IGFL2: variants seen among roughly 807,000 people sequenced by gnomAD.
IGFL2 encodes insulin growth factor-like family member 2.
Under a neutral mutation model 13.9 loss-of-function variants are expected in IGFL2, and 7 were observed. The ratio of observed to expected loss-of-function variants is 0.51; its 90% CI spans 0.29 to 0.95. The LOEUF is 0.95. IGFL2 is among the 40% of genes least tolerant of loss of function. IGFL2 has a pLI of 0.08. For synonymous variants in IGFL2, 55 were observed against 55.8 expected, an observed-to-expected ratio of 0.99 and a Z score of 0.07; for missense variants, 138 against 147.8, an observed-to-expected ratio of 0.93 and a Z score of 0.34.
the IGFL2 span, among the ~76,000 whole-genome samples, chr19:46,184,227 CCT>C: frequency 1.4e-4 from 21 of 151,812 alleles, no homozygotes; most frequent in Non-Finnish European, 2.6e-4. Context: ...ATTATATGTG[CCT>C]CTCTCTTTCT....
chr19:46,083,156 A>T, the IGFL2 span, among the ~76,000 whole-genome samples: 2 of 152,244 alleles, frequency 1.3e-5, no homozygotes, highest in Admixed American at 6.5e-5. Context: ...AGTGCATCAT[A>T]AACAATTTGC....
the IGFL2 span, among the ~76,000 whole-genome samples, chr19:46,187,199 A>G: frequency 1.3e-5 from 2 of 151,530 alleles, no homozygotes; most frequent in Admixed American, 1.3e-4. Flanking sequence ...GGTGTGTGCT[A>G]CCTGATCAGA....
the IGFL2 span, among the ~76,000 whole-genome samples, chr19:46,187,298 C>T: frequency 6.7e-6 from 1 of 148,500 alleles, no homozygotes; most frequent in African/African-American, 2.5e-5. Flanking sequence ...CCCATTTATA[C>T]CTGAGGTTGT....
the IGFL2 span, among the ~76,000 whole-genome samples, chr19:46,079,797 TAGA>T: frequency 6.6e-6 from 1 of 152,196 alleles, no homozygotes; most frequent in Admixed American, 6.5e-5. Context: ...GATTTCTGCA[TAGA>T]AGCCAAAAAA....
the IGFL2 span, among the ~76,000 whole-genome samples, chr19:46,099,512 G>A: frequency 6.7e-6 from 1 of 150,260 alleles, no homozygotes; most frequent in African/African-American, 2.4e-5. Flanking sequence ...CGGAGGTTTT[G>A]TTTGCTCTTT....
At chr19:46,124,039 G>C in the IGFL2 span, 6,797 of 1,611,396 alleles carry the variant, frequency 4.2e-3, 621 homozygotes, top group African/African-American at 0.081. Flanking sequence ...ACAGCGGCGG[G>C]TCTCCTTTAA....
chr19:46,092,661 T>G, the IGFL2 span, among the ~76,000 whole-genome samples: 3 of 151,888 alleles, frequency 2.0e-5, no homozygotes, highest in Admixed American at 6.6e-5. Context: ...TTTTTTTTTT[T>G]GTAGAGATGG....
the IGFL2 span, chr19:46,123,791 G>T: frequency 2.2e-6 from 3 of 1,378,428 alleles, no homozygotes; most frequent in African/African-American, 3.0e-5. Flanking sequence ...CTCTTTTGCC[G>T]TTAGAACTCC....
chr19:46,099,232 T>A, the IGFL2 span, among the ~76,000 whole-genome samples: 1 of 152,196 alleles, frequency 6.6e-6, no homozygotes, highest in African/African-American at 2.4e-5. Context: ...TGACCTGGCC[T>A]TTCTCTCTGG....
chr19:46,175,512 C>A, the IGFL2 span, among the ~76,000 whole-genome samples: 2 of 151,454 alleles, frequency 1.3e-5, no homozygotes, highest in Non-Finnish European at 2.9e-5. Flanking sequence ...ATACTTTGTG[C>A]CAAAAAATGA....
chr19:46,201,510 C>T, the IGFL2 span, among the ~76,000 whole-genome samples: 1 of 152,344 alleles, frequency 6.6e-6, no homozygotes, highest in African/African-American at 2.4e-5. Context: ...CCACTGTGGG[C>T]TCCCAAGCCT....
Position 46,161,206 on chromosome 19 carries a change from T to C in IGFL2, c.*118T>C. ...ACAAAATGATGCAGCTCCAAGCCAT[T>C]GTATGGCCCATGTGGGAGACTGATG... On this transcript the variant is annotated 3_prime_UTR_variant, in exon 4 of 4. Transcript: ENST00000377693. 4.2e-6 allele frequency: 3 copies of C among 717,776 alleles called. No individual in the cohort carries two copies. Among genetic ancestry groups the C allele is most frequent in the Non-Finnish European group, 2.4e-6 (1 of 418,258 alleles). 44.5% of individuals were successfully genotyped at this position (717,776 alleles called of 1,614,324 possible). A position where few individuals can be genotyped will look rare whatever the true frequency, so the allele number is the denominator to read the frequency against.
the IGFL2 span, among the ~76,000 whole-genome samples, chr19:46,193,471 A>G: frequency 6.6e-6 from 1 of 152,160 alleles, no homozygotes; most frequent in Non-Finnish European, 1.5e-5. Context: ...TTACTTTGTA[A>G]TGGCCCCAAA....
At chr19:46,118,510 G>C in the IGFL2 span, among the ~76,000 whole-genome samples, 1 of 152,206 alleles carries the variant, frequency 6.6e-6, no homozygotes, top group African/African-American at 2.4e-5. Flanking sequence ...TTGGCTGTGG[G>C]AGAAACCCCG....
the IGFL2 span, chr19:46,124,478 C>A: frequency 1.8e-6 from 2 of 1,121,626 alleles, no homozygotes; most frequent in Admixed American, 1.8e-5. Flanking sequence ...AGGCCCTGAG[C>A]AGCACGCTCA....
the IGFL2 span, among the ~76,000 whole-genome samples, chr19:46,103,156 T>C: frequency 0.013 from 2,017 of 152,248 alleles, 31 homozygotes; most frequent in Middle Eastern, 0.027. Flanking sequence ...GCTTGGTTGG[T>C]GAGTTTTTGG....
At chr19:46,140,866 A>G (rs542599955), upstream of IGFL2, among the ~76,000 whole-genome samples, 92 of 152,264 alleles carry the variant, frequency 6.0e-4, 2 homozygotes, top group South Asian at 0.013. Context: ...CTTTTCTAAG[A>G]GTTTTACCTC....
chr19:46,088,824 G>T, the IGFL2 span, among the ~76,000 whole-genome samples: 2 of 152,156 alleles, frequency 1.3e-5, no homozygotes, highest in African/African-American at 4.8e-5. Flanking sequence ...GCCTACTGTT[G>T]TATGTTGATT....
chr19:46,193,811 C>G, the IGFL2 span, among the ~76,000 whole-genome samples: 1 of 152,172 alleles, frequency 6.6e-6, no homozygotes, highest in African/African-American at 2.4e-5. Context: ...CCAGCAGACA[C>G]CGCTCTCGGG....
Sources: allele counts gnomAD v4.1 joint callset (sites outside exome capture counted in the v4.1 genomes callset), GRCh38; gene constraint gnomAD v4.1.1; transcripts MANE v1.5; gene names NCBI Gene and HGNC (gene_info 2026-07-23, HGNC 2026-07-21).